The following GTPBP2 variants were observed in gnomAD, a reference collection of about 807,000 sequenced individuals.
GTPBP2 encodes GTP binding protein 2.
In GTPBP2, 32 loss-of-function variants were observed where a neutral mutation model predicts 63.0. That is an observed-to-expected ratio of 0.51 (90% CI 0.38 to 0.68). The LOEUF is 0.68. Among genes scored for constraint, GTPBP2 ranks in the 30% least tolerant of loss-of-function variants. GTPBP2 has a pLI of 0.00. For synonymous variants in GTPBP2, 310 were observed against 322.6 expected (o/e 0.96, Z 0.42); for missense variants, 492 against 796.9 (o/e 0.62, Z 4.61).
chr6:43,628,819 G>A (rs1769655967), intron 1 of GTPBP2, 158 bp downstream of exon 1: 1 of 870,056 alleles, frequency 1.1e-6, no homozygotes, highest in African/African-American at 1.6e-5. Context: ...CTTCCTCCCT[G>A]GGGTCCCGGG....
intron 1 of GTPBP2, chr6:43,628,546 C>A: frequency 2.0e-6 from 2 of 979,788 alleles, no homozygotes; most frequent in Non-Finnish European, 2.4e-6. Flanking sequence ...GTGTGTGTGT[C>A]CGTGTGGAAC....
At position 43,621,385 on chromosome 6, in the gene GTPBP2, C is replaced by CA. The variant is rs1385521541; in HGVS notation, c.*228dup. Reference sequence around the variant, plus strand: ...GTTTGATGAGCCAACCAGGTGAGCACACAGCTTCGGAGCACTGCCCTGAAT... The same window carrying CA: ...GTTTGATGAGCCAACCAGGTGAGCACAACAGCTTCGGAGCACTGCCCTGAAT... On this transcript the variant is annotated 3_prime_UTR_variant, in exon 12 of 12. Coordinates refer to ENST00000307126, the MANE Select transcript of GTPBP2 (RefSeq NM_019096.5). 4 of 1,512,228 alleles carry CA rather than the reference C, an allele frequency of 2.6e-6. No homozygotes were observed. The highest frequency in any genetic ancestry group is 2.7e-6 in the Non-Finnish European group (3 of 1,121,764). The allele number at this position is 1,512,228 out of a possible 1,614,324, so 93.7% of individuals were successfully genotyped here.
Position 43,622,718 on chromosome 6 carries a change from C to T in GTPBP2, c.1382G>A (p.Arg461His), listed in dbSNP as rs769723702. ...CAGCACACGACAGGCAGAGCGGTTG[C>T]GCTGGATGCTGCATACTCTCAGCTC... ...FLELRVCSIQ[R>H]NRSACRVLRA... is the part of the protein sequence containing the mutation. The change falls in exon 10 of 12, where the codon CGC (arginine) becomes CAC (histidine). Residue 461 changes from arginine to histidine, a missense_variant. This residue lies in a region of GTPBP2 where 400 missense variants were observed against 710.8 expected (regional missense o/e 0.56). Coordinates refer to ENST00000307126, the MANE Select transcript of GTPBP2 (RefSeq NM_019096.5). The surrounding 1 kb of genome is among the most constrained non-coding windows in gnomAD (Gnocchi z 5.4). The T allele has an allele frequency of 2.2e-5, 36 of 1,613,964 alleles. No homozygotes were observed. The highest frequency in any genetic ancestry group is 3.0e-5 in the Non-Finnish European group (35 of 1,179,962).
In GTPBP2 at chr6:43,625,273, T is replaced by C. The variant is rs1310821137; in HGVS notation, c.705+90A>G. The C allele has an allele frequency of 2.4e-6, 3 of 1,272,296 alleles. No homozygotes were observed. In the African/African-American group the frequency reaches 4.4e-5, roughly 19 times the overall value. 78.8% of individuals were successfully genotyped at this position (1,272,296 alleles called of 1,614,324 possible). ...CATTCATCTATACTATTTCAAAAAG[T>C]CTCCACACTCTACCCCCATCCTATG... is the stretch of plus-strand genomic sequence containing the variant. On this transcript the variant is annotated intron_variant, in intron 5 of 11. Transcript: ENST00000307126. The surrounding 1 kb of genome is among the most constrained non-coding windows in gnomAD (Gnocchi z 5.1).
chr6:43,625,306 C>G lies in GTPBP2; in HGVS notation c.705+57G>C. 6.6e-7 allele frequency: 1 copy of G among 1,507,474 alleles called. No homozygotes were observed. The highest frequency in any genetic ancestry group is 9.2e-7 in the Non-Finnish European group (1 of 1,083,164). The allele number at this position is 1,507,474 out of a possible 1,614,324, so 93.4% of individuals were successfully genotyped here. On this transcript the variant is annotated intron_variant, in intron 5 of 11. Coordinates refer to ENST00000307126, the MANE Select transcript of GTPBP2 (RefSeq NM_019096.5). This position sits in a 1 kb window ranked among gnomAD's most constrained non-coding sequence, Gnocchi z 5.1. ...CTCTACCCCCATCCTATGTCCTTCA[C>G]TACTACCATCCCATCCTCAGAGTCT...
chr6:43,625,412 C>T lies in GTPBP2; in HGVS notation c.656G>A (p.Arg219Gln), dbSNP rs1769223272. 7.4e-6 allele frequency: 12 copies of T among 1,614,094 alleles called. No individual in the cohort carries two copies. The highest frequency in any genetic ancestry group is 1.3e-5 in the African/African-American group (1 of 75,014). ...FRHLHEIQSG[R>Q]TSSISFEILG... is the part of the protein sequence containing the mutation. Reference sequence around the variant, plus strand: ...GATCTCGAAGCTGATGCTGGAGGTTCGGCCAGACTGAATCTCATGCAGGTG... The same window carrying T: ...GATCTCGAAGCTGATGCTGGAGGTTTGGCCAGACTGAATCTCATGCAGGTG... The change falls in exon 5 of 12, where the codon CGA (arginine) becomes CAA (glutamine). Residue 219 changes from arginine to glutamine, a missense_variant. By Grantham distance (43) the Arg-to-Gln change is conservative (BLOSUM62 1). Coordinates refer to ENST00000307126, the MANE Select transcript of GTPBP2 (RefSeq NM_019096.5). This position sits in a 1 kb window ranked among gnomAD's most constrained non-coding sequence, Gnocchi z 5.1.
In GTPBP2 at chr6:43,622,252, T is replaced by G; in HGVS notation, c.1468-85A>C. ...CCAGCCACCCCACACCCTTTATAGC[T>G]CCTGAATTTCCTCTTCCTCTACACA... On this transcript the variant is annotated intron_variant, in intron 10 of 11. Transcript: ENST00000307126. The surrounding 1 kb of genome is among the most constrained non-coding windows in gnomAD (Gnocchi z 5.4). 9.1e-7 allele frequency: 1 copy of G among 1,096,850 alleles called. No homozygotes were observed. Among genetic ancestry groups the G allele is most frequent in the Non-Finnish European group, 1.3e-6 (1 of 760,740 alleles). 67.9% of individuals were successfully genotyped at this position (1,096,850 alleles called of 1,614,324 possible). A position where few individuals can be genotyped will look rare whatever the true frequency, so the allele number is the denominator to read the frequency against.
Position 43,622,676 on chromosome 6 carries a change from G to C in GTPBP2, c.1424C>G (p.Ala475Gly). ...ACRVLRAGQA[A>G]TLALGDFDRA... ...GTCAAAGTCCCCAAGCGCCAGTGTA[G>C]CAGCCTGACCAGCTCGCAGCACACG... The change falls in exon 10 of 12, where the codon GCT (alanine) becomes GGT (glycine). Residue 475 changes from alanine to glycine, a missense_variant. Ala to Gly is a moderately conservative substitution (Grantham distance 60). This residue lies in a region of GTPBP2 where 400 missense variants were observed against 710.8 expected (regional missense o/e 0.56). Coordinates refer to ENST00000307126, the MANE Select transcript of GTPBP2 (RefSeq NM_019096.5). This position sits in a 1 kb window ranked among gnomAD's most constrained non-coding sequence, Gnocchi z 5.4. 6.2e-7 allele frequency: 1 copy of C among 1,614,022 alleles called. No homozygotes were observed. The highest frequency in any genetic ancestry group is 8.5e-7 in the Non-Finnish European group (1 of 1,179,904).
At chr6:43,627,956 AG>A (rs1391720169) in intron 1 of GTPBP2, among the ~76,000 whole-genome samples, 8 of 152,236 alleles carry the variant, frequency 5.3e-5, no homozygotes, top group African/African-American at 1.9e-4. Context: ...ATGACAGTCT[AG>A]GGCCCAGACC....
chr6:43,628,670 A>G (rs1582355411), intron 1 of GTPBP2: 1 of 787,270 alleles, frequency 1.3e-6, no homozygotes, highest in Non-Finnish European at 2.0e-6. Flanking sequence ...CTATGGCGGC[A>G]CACGCAGTTG....
In GTPBP2 at chr6:43,624,305, C is replaced by G. The variant is rs1395947795; in HGVS notation, c.1100+205G>C. ...GGTATAGCACTTCATCGCCATGGTC[C>G]CAGGCATCAGCAGTGCTCCAGGTTG... On this transcript the variant is annotated intron_variant, in intron 7 of 11. Coordinates refer to ENST00000307126, the MANE Select transcript of GTPBP2 (RefSeq NM_019096.5). The surrounding 1 kb of genome is among the most constrained non-coding windows in gnomAD (Gnocchi z 5.1). Among the ~76,000 whole-genome samples the G allele has an allele frequency of 1.3e-5, 2 of 152,156 alleles. No individual in the cohort carries two copies. The highest frequency in any genetic ancestry group is 2.9e-5 in the Non-Finnish European group (2 of 68,030).
At position 43,624,881 on chromosome 6, in the gene GTPBP2, C is replaced by T; in HGVS notation, c.880+7G>A. ...TTCAGCCCTGTCCCTGCCCTAATGC[C>T]TCGTACCAATCCCAGTGTTGGCACT... On this transcript the variant is annotated splice_region_variant and intron_variant, in intron 6 of 11. Transcript: ENST00000307126. The surrounding 1 kb of genome is among the most constrained non-coding windows in gnomAD (Gnocchi z 5.1). 1 of 1,613,836 alleles carries T rather than the reference C, an allele frequency of 6.2e-7. No individual in the cohort carries two copies. Among genetic ancestry groups the T allele is most frequent in the Non-Finnish European group, 8.5e-7 (1 of 1,179,808 alleles).
upstream of GTPBP2, among the ~76,000 whole-genome samples, chr6:43,631,244 G>A (rs200928959): frequency 1.1e-4 from 17 of 152,304 alleles, no homozygotes; most frequent in East Asian, 3.3e-3. Flanking sequence ...GCCACTGAAG[G>A]AAAGGTTATG....
At chr6:43,621,940 A>C in intron 11 of GTPBP2, 63 bp downstream of exon 11, 3 of 1,601,136 alleles carry the variant, frequency 1.9e-6, no homozygotes, top group Non-Finnish European at 2.6e-6. Context: ...GTTCTCTGCC[A>C]GTCTGGGGCA....
At chr6:43,628,092 G>A (rs144292836) in intron 1 of GTPBP2, among the ~76,000 whole-genome samples, 2 of 152,290 alleles carry the variant, frequency 1.3e-5, no homozygotes, top group African/African-American at 4.8e-5. Context: ...GGCTGGGCAC[G>A]GAGGCTCACG....
At chr6:43,621,912 C>T in intron 11 of GTPBP2, 91 bp downstream of exon 11, 2 of 1,599,768 alleles carry the variant, frequency 1.3e-6, no homozygotes, top group Non-Finnish European at 1.7e-6. Context: ...GGTTTTATTC[C>T]CATTGTGGGA....
At chr6:43,629,774 G>T (rs1266162182), upstream of GTPBP2, 1 of 1,563,206 alleles carries the variant, frequency 6.4e-7, no homozygotes. Context: ...GCTGGGGTGA[G>T]TCAGGGCGAA....
In GTPBP2 at chr6:43,624,746, G is replaced by C; in HGVS notation, c.881-17C>G. The C allele has an allele frequency of 6.2e-7, 1 of 1,609,530 alleles. No individual in the cohort carries two copies. Among genetic ancestry groups the C allele is most frequent in the Non-Finnish European group, 8.5e-7 (1 of 1,176,362 alleles). On this transcript the variant is annotated splice_polypyrimidine_tract_variant and intron_variant, in intron 6 of 11. Transcript: ENST00000307126. The surrounding 1 kb of genome is among the most constrained non-coding windows in gnomAD (Gnocchi z 5.1). ...TGGTGCCAGCTGCCTCATAAGGACA[G>C]CAAGCAGCAGGAGAGAAGAGTGAGA... is the stretch of plus-strand genomic sequence containing the variant.
At chr6:43,630,534 G>C (rs528085961), upstream of GTPBP2, among the ~76,000 whole-genome samples, 18 of 152,200 alleles carry the variant, frequency 1.2e-4, no homozygotes, top group South Asian at 3.7e-3. Flanking sequence ...CCTGAAGTCA[G>C]GTGTTCGAGA....
Sources: allele counts gnomAD v4.1 joint callset (sites outside exome capture counted in the v4.1 genomes callset), GRCh38; gene constraint gnomAD v4.1.1; regional missense constraint gnomAD v4.1.1; non-coding constraint Gnocchi (gnomAD v3.1); transcripts MANE v1.5; gene names NCBI Gene and HGNC (gene_info 2026-07-23, HGNC 2026-07-21).